The following FOXP2 variants were observed in gnomAD, a reference collection of about 807,000 sequenced individuals.
FOXP2 encodes forkhead box P2.
Under a neutral mutation model 115.8 loss-of-function variants are expected in FOXP2, and 12 were observed. That is an observed-to-expected ratio of 0.10 (90% confidence interval 0.07 to 0.17). The LOEUF (loss-of-function observed/expected upper bound fraction) is 0.17. Among genes scored for constraint, FOXP2 ranks in the 10% least tolerant of loss-of-function variants. FOXP2 has a pLI of 1.00. For synonymous variants in FOXP2, 328 were observed against 297.7 expected (o/e 1.10, Z -1.05); for missense variants, 629 against 843.5 (o/e 0.75, Z 3.15).
intron 2 of FOXP2, among the ~76,000 whole-genome samples, chr7:114,322,638 A>G (rs1293892225): frequency 6.6e-6 from 1 of 152,188 alleles, no homozygotes; most frequent in Non-Finnish European, 1.5e-5. Context: ...GAGGTTAAGT[A>G]AAATGTACAC....
chr7:114,088,893 C>A (rs918495588), intron 1 of FOXP2, among the ~76,000 whole-genome samples: 4 of 151,900 alleles, frequency 2.6e-5, no homozygotes, highest in Admixed American at 2.6e-4. Context: ...AAACTGTGAT[C>A]GTTAGGGTCA....
intron 2 of FOXP2, among the ~76,000 whole-genome samples, chr7:114,343,087 T>C (rs540443106): frequency 6.6e-6 from 1 of 151,768 alleles, no homozygotes; most frequent in South Asian, 2.1e-4. Flanking sequence ...GTTTTTAATG[T>C]CATCTCTAGA....
In FOXP2 at chr7:114,537,928, A is replaced by G. The variant is rs187300199; in HGVS notation, c.258+3222A>G. On this transcript the variant is annotated intron_variant, in intron 3 of 16. Transcript: ENST00000350908. The stretch of plus-strand genomic sequence containing the variant: ...AAGCATTACCAGATGTTTCTGCTTT[A>G]CATTCTTACTGTGTATACCAGAAAA... Among the ~76,000 whole-genome samples, 8 of 151,804 alleles carry G rather than the reference A, an allele frequency of 5.3e-5. No individual in the cohort carries two copies. The East Asian group carries it at 1.5e-3, about 29-fold the overall frequency.
chr7:114,601,921 C>T lies in FOXP2; in HGVS notation c.259-26619C>T, dbSNP rs187281759. On this transcript the variant is annotated intron_variant, in intron 3 of 16. Coordinates refer to ENST00000350908, the MANE Select transcript of FOXP2 (RefSeq NM_014491.4). ...TACTAGAAAAAAAGTATATATTTGCCATCATTTTATACAGCACTTTATATA... is the reference window on the plus strand; with the variant it reads ...TACTAGAAAAAAAGTATATATTTGCTATCATTTTATACAGCACTTTATATA... 1.7e-3 allele frequency among the ~76,000 whole-genome samples: 257 copies of T among 151,962 alleles called. 1 individual carries two copies. The highest frequency in any genetic ancestry group is 6.8e-3 in the Middle Eastern group (2 of 294).
chr7:114,577,700 CT>C (rs1801645615), intron 3 of FOXP2, among the ~76,000 whole-genome samples: 1 of 151,816 alleles, frequency 6.6e-6, no homozygotes, highest in South Asian at 2.1e-4. Flanking sequence ...ACCATCTCCT[CT>C]TCAGATACAG....
At chr7:114,494,753 A>C (rs184720255) in intron 2 of FOXP2, among the ~76,000 whole-genome samples, 49 of 152,278 alleles carry the variant, frequency 3.2e-4, no homozygotes, top group African/African-American at 1.1e-3. Context: ...TATCTCTGTT[A>C]ACAAAGACTC....
intron 1 of FOXP2, among the ~76,000 whole-genome samples, chr7:114,256,403 A>G (rs530349143): frequency 3.6e-4 from 55 of 152,264 alleles, no homozygotes; most frequent in Admixed American, 7.2e-4. Flanking sequence ...CACCATGCCC[A>G]GCCAAGATGG....
chr7:114,149,180 T>A (rs1377602231), intron 1 of FOXP2, among the ~76,000 whole-genome samples: 1 of 152,054 alleles, frequency 6.6e-6, no homozygotes, highest in Non-Finnish European at 1.5e-5. Context: ...ACATCAGACA[T>A]TTTTCTTATT....
At chr7:114,258,363 G>A (rs1241048300) in intron 1 of FOXP2, among the ~76,000 whole-genome samples, 2 of 152,198 alleles carry the variant, frequency 1.3e-5, no homozygotes, top group African/African-American at 4.8e-5. Context: ...CAAAGGAAGA[G>A]ATGGTTAGGA....
chr7:114,450,826 A>G (rs1275256762), intron 2 of FOXP2, among the ~76,000 whole-genome samples: 3 of 152,120 alleles, frequency 2.0e-5, no homozygotes, highest in Admixed American at 6.6e-5. Context: ...AGAGGGATGC[A>G]TATTTTTAAA....
At chr7:114,479,541 G>GA (rs747145273) in intron 2 of FOXP2, among the ~76,000 whole-genome samples, 3,458 of 131,142 alleles carry the variant, frequency 0.026, 97 homozygotes, top group African/African-American at 0.068. Flanking sequence ...GATATTTGAG[G>GA]AAAAAAAAAA....
At chr7:114,248,000 T>TA (rs1795333343) in intron 1 of FOXP2, among the ~76,000 whole-genome samples, 1 of 151,982 alleles carries the variant, frequency 6.6e-6, no homozygotes, top group South Asian at 2.1e-4. Flanking sequence ...TGATTTACTA[T>TA]AAAAAATTGT....
chr7:114,278,025 TAAAAAAAAAAAAA>T (rs1198719493), intron 1 of FOXP2, among the ~76,000 whole-genome samples: 1 of 76,206 alleles, frequency 1.3e-5, no homozygotes, highest in African/African-American at 5.1e-5. Context: ...AGACCTTGTC[TAAAAAAAAAAAAA>T]AAAAAAAAAA....
intron 1 of FOXP2, among the ~76,000 whole-genome samples, chr7:114,231,913 AG>A (rs1794885024): frequency 6.6e-6 from 1 of 152,206 alleles, no homozygotes. Context: ...AAGAAACAAG[AG>A]TGCAAAGGCA....
intron 2 of FOXP2, among the ~76,000 whole-genome samples, chr7:114,344,231 A>G (rs1039854478): frequency 2.6e-5 from 4 of 151,740 alleles, no homozygotes; most frequent in South Asian, 2.1e-4. Flanking sequence ...CTTCGGTTCT[A>G]TGATACTCAT....
chr7:114,517,667 C>A (rs1798412668), intron 2 of FOXP2, among the ~76,000 whole-genome samples: 2 of 152,226 alleles, frequency 1.3e-5, no homozygotes, highest in Non-Finnish European at 2.9e-5. Flanking sequence ...GCCCTCTTTT[C>A]TGTTTCACTG....
At chr7:114,448,192 G>A (rs1045629650) in intron 2 of FOXP2, among the ~76,000 whole-genome samples, 1 of 151,992 alleles carries the variant, frequency 6.6e-6, no homozygotes, top group Non-Finnish European at 1.5e-5. Context: ...GCTGAGAAAC[G>A]CAGTCTCTAG....
At chr7:114,447,658 C>T (rs1014585241) in intron 2 of FOXP2, among the ~76,000 whole-genome samples, 4 of 152,118 alleles carry the variant, frequency 2.6e-5, no homozygotes, top group Non-Finnish European at 4.4e-5. Context: ...ACTCTTCATA[C>T]GTGGAATTCC....
intron 16 of FOXP2, among the ~76,000 whole-genome samples, chr7:114,675,578 T>G (rs1807710445): frequency 6.6e-6 from 1 of 152,176 alleles, no homozygotes; most frequent in African/African-American, 2.4e-5. Context: ...CGTATGAAAT[T>G]GATAAAGTGC....
Sources: gnomAD v4.1 joint callset for allele counts (sites outside exome capture counted in the v4.1 genomes callset) on GRCh38, gnomAD v4.1.1 for gene constraint, MANE v1.5 for transcripts, NCBI Gene and HGNC (gene_info 2026-07-23, HGNC 2026-07-21) for gene names.